Variants in URI1 observed in about 807,000 individuals in gnomAD.
The protein encoded by URI1 is URI1 prefoldin like chaperone.
A neutral mutation model predicts 60.2 loss-of-function variants in URI1; 39 were observed. The ratio of observed to expected loss-of-function variants is 0.65; its 90% confidence interval spans 0.50 to 0.85. The LOEUF is 0.85. Ranked by LOEUF, URI1 falls within the 40% of genes least tolerant of loss-of-function variation. The pLI is 0.00. For synonymous variants in URI1, 251 were observed against 236.8 expected, an observed-to-expected ratio of 1.06 and a Z score of -0.55; for missense variants, 691 against 665.9, an observed-to-expected ratio of 1.04 and a Z score of -0.42.
intron 6 of URI1, 131 bp from the exon 7 acceptor site, chr19:30,007,339 G>A: frequency 1.0e-6 from 1 of 997,968 alleles, no homozygotes; most frequent in Non-Finnish European, 1.4e-6. Flanking sequence ...TTGGAGTTCT[G>A]TTTGGCTTAA....
At chr19:29,993,100 A>G (rs905925475) in intron 4 of URI1, among the ~76,000 whole-genome samples, 1 of 152,218 alleles carries the variant, frequency 6.6e-6, no homozygotes, top group African/African-American at 2.4e-5. Context: ...TGTCTTAAAA[A>G]TGCATACTTA....
At chr19:29,982,156 G>T (rs1473594877) in intron 2 of URI1, among the ~76,000 whole-genome samples, 1 of 152,086 alleles carries the variant, frequency 6.6e-6, no homozygotes, top group African/African-American at 2.4e-5. Context: ...CTTCATAAAG[G>T]ATTTCTACAT....
intron 1 of URI1, among the ~76,000 whole-genome samples, chr19:29,964,886 A>G (rs1262304845): frequency 7.9e-5 from 9 of 114,482 alleles, no homozygotes; most frequent in Non-Finnish European, 1.5e-4. Flanking sequence ...ACTTGTATTT[A>G]CTCTTCAGTG....
intron 1 of URI1, among the ~76,000 whole-genome samples, chr19:29,926,322 C>A (rs976507639): frequency 1.1e-4 from 16 of 150,804 alleles, no homozygotes; most frequent in African/African-American, 3.7e-4. Flanking sequence ...TTCTGTTGCC[C>A]AGGCTGGAGT....
chr19:29,964,683 A>C (rs1409283085), intron 1 of URI1, among the ~76,000 whole-genome samples: 2 of 151,262 alleles, frequency 1.3e-5, no homozygotes, highest in Non-Finnish European at 2.9e-5. Flanking sequence ...GCTGATCTCA[A>C]ACTCCTGATC....
chr19:29,995,618 A>C (rs893438049), intron 4 of URI1, among the ~76,000 whole-genome samples: 2 of 151,068 alleles, frequency 1.3e-5, no homozygotes, highest in Non-Finnish European at 2.9e-5. Context: ...TTGATGCACA[A>C]AAATTTTTAA....
intron 2 of URI1, 78 bp downstream of exon 2, chr19:29,971,305 GT>G: frequency 7.0e-7 from 1 of 1,437,468 alleles, no homozygotes. Flanking sequence ...TGTGTTTACT[GT>G]TTGCGTGTGT....
intron 1 of URI1, among the ~76,000 whole-genome samples, chr19:29,963,030 C>G (rs922671904): frequency 1.3e-5 from 2 of 152,176 alleles, no homozygotes; most frequent in African/African-American, 2.4e-5. Flanking sequence ...CCGCCTACCC[C>G]CAGCTGCACA....
Position 29,956,842 on chromosome 19 carries a change from T to C in URI1, c.117+14178T>C. The C allele has an allele frequency of 1.9e-6, 3 of 1,573,914 alleles. No individual in the cohort carries two copies. The South Asian group carries it at 3.3e-5, about 17-fold the overall frequency. On this transcript the variant is annotated intron_variant, in intron 1 of 10. Coordinates refer to ENST00000392271, the MANE Select transcript of URI1 (RefSeq NM_003796.3). ...CAACCCGGAGCCTCTTTTTTTTCTT[T>C]CCAAGGAGTCTGAGTTCTACGTTGA...
At position 29,949,463 on chromosome 19, in the gene URI1, C is replaced by T. The variant is rs1463419849; in HGVS notation, c.117+6799C>T. On this transcript the variant is annotated intron_variant, in intron 1 of 10. Transcript: ENST00000392271. ...GCAGAGGGGCTCCTCACATCCCAGA[C>T]GATGGGCGGCCAGGCAGAGACACTC... Among the ~76,000 whole-genome samples, 15 of 150,830 alleles carry T rather than the reference C, an allele frequency of 9.9e-5. No homozygotes were observed. The East Asian group carries it at 1.0e-3, about 10-fold the overall frequency.
At chr19:30,003,116 T>C (rs2055898057) in intron 4 of URI1, among the ~76,000 whole-genome samples, 1 of 152,080 alleles carries the variant, frequency 6.6e-6, no homozygotes, top group African/African-American at 2.4e-5. Context: ...CTCATTCTGC[T>C]TTTTTAACTG....
intron 4 of URI1, among the ~76,000 whole-genome samples, chr19:29,998,503 A>G (rs1017957170): frequency 5.3e-5 from 8 of 152,056 alleles, no homozygotes; most frequent in African/African-American, 1.7e-4. Flanking sequence ...TCTGTTAGGT[A>G]TGTATGTATT....
intron 2 of URI1, among the ~76,000 whole-genome samples, chr19:29,971,930 C>T (rs1461642969): frequency 6.6e-6 from 1 of 152,002 alleles, no homozygotes; most frequent in Non-Finnish European, 1.5e-5. Flanking sequence ...CAGGAGCTGT[C>T]TTGATTATTG....
intron 1 of URI1, among the ~76,000 whole-genome samples, chr19:29,945,009 G>A (rs913545000): frequency 6.6e-5 from 10 of 152,118 alleles, no homozygotes; most frequent in African/African-American, 2.4e-4. Flanking sequence ...GTGTAGAAGG[G>A]GAAAATGTCA....
At chr19:30,005,180 ATATAG>A (rs1397068985) in intron 4 of URI1, among the ~76,000 whole-genome samples, 176 bp from the exon 5 acceptor site, 1 of 152,092 alleles carries the variant, frequency 6.6e-6, no homozygotes, top group Non-Finnish European at 1.5e-5. Flanking sequence ...TGTGCTATAT[ATATAG>A]CACAAAAATA....
At chr19:29,976,827 T>C (rs1314348529) in intron 2 of URI1, among the ~76,000 whole-genome samples, 1 of 152,234 alleles carries the variant, frequency 6.6e-6, no homozygotes, top group Non-Finnish European at 1.5e-5. Context: ...AAGGTATCTT[T>C]GAAATTACAT....
chr19:29,997,117 TTGTTTAGAAG>T (rs895551898), intron 4 of URI1, among the ~76,000 whole-genome samples: 1 of 152,198 alleles, frequency 6.6e-6, no homozygotes, highest in African/African-American at 2.4e-5. Flanking sequence ...TCCCTTTTCA[TTGTTTAGAAG>T]AGTTTGAGAG....
At position 30,007,488 on chromosome 19, in the gene URI1, A is replaced by G. The variant is rs776447992; in HGVS notation, c.536A>G (p.His179Arg). The G allele has an allele frequency of 2.5e-6, 4 of 1,613,100 alleles. No individual in the cohort carries two copies. Among genetic ancestry groups the G allele is most frequent in the South Asian group, 1.1e-5 (1 of 91,036 alleles). The change falls in exon 7 of 11, where the codon CAT becomes CGT. Residue 179 changes from histidine to arginine, a missense_variant. Coordinates refer to ENST00000392271, the MANE Select transcript of URI1 (RefSeq NM_003796.3). ...FEFKAKHRIA[H>R]KPHSKPKTSD... The stretch of plus-strand genomic sequence containing the variant: ...TAAATAGCAAAACACCGAATTGCTC[A>G]TAAACCGCATTCCAAACCAAAAACT...
chr19:29,941,848 C>G (rs1014644629), upstream of URI1, among the ~76,000 whole-genome samples: 1 of 152,072 alleles, frequency 6.6e-6, no homozygotes. Flanking sequence ...GCTTATGAAA[C>G]AGCTCTAGTA....
Sources: gnomAD v4.1 joint callset for allele counts (sites outside exome capture counted in the v4.1 genomes callset) on GRCh38, gnomAD v4.1.1 for gene constraint, MANE v1.5 for transcripts, NCBI Gene and HGNC (gene_info 2026-07-23, HGNC 2026-07-21) for gene names.